FNDC3A: variants seen among roughly 807,000 people sequenced by gnomAD.
FNDC3A encodes the protein fibronectin type-III domain-containing protein 3A.
A neutral mutation model predicts 148.9 loss-of-function variants in FNDC3A; 32 were observed. The ratio of observed to expected loss-of-function variants is 0.21; its 90% CI spans 0.16 to 0.29. FNDC3A has a LOEUF of 0.29. Among genes scored for constraint, FNDC3A ranks in the 10% least tolerant of loss-of-function variants. The pLI, the probability that FNDC3A is intolerant of heterozygous loss-of-function variation, is 1.00. For missense variants in FNDC3A, 1,191 were observed against 1,452.8 expected (o/e 0.82, Z 2.93); for synonymous variants, 472 against 473.6 (o/e 1.00, Z 0.04).
At chr13:49,106,648 A>G (rs1256468773) in intron 3 of FNDC3A, among the ~76,000 whole-genome samples, 1 of 152,116 alleles carries the variant, frequency 6.6e-6, no homozygotes, top group Non-Finnish European at 1.5e-5. Flanking sequence ...ACTTTCAAAT[A>G]TACTTCGTGA....
At chr13:49,110,099 G>A (rs1880449453) in intron 3 of FNDC3A, among the ~76,000 whole-genome samples, 1 of 152,102 alleles carries the variant, frequency 6.6e-6, no homozygotes, top group Non-Finnish European at 1.5e-5. Flanking sequence ...TTTTGAATTG[G>A]TTCATAAGGA....
At chr13:49,172,154 T>A (rs1335363778) in intron 11 of FNDC3A, 58 bp downstream of exon 11, 2 of 1,120,676 alleles carry the variant, frequency 1.8e-6, no homozygotes, top group East Asian at 2.5e-5. Context: ...TCAGGCAAAA[T>A]TAACTTTTTT....
At chr13:49,198,638 C>T in intron 23 of FNDC3A, 64 bp downstream of exon 23, 1 of 1,329,496 alleles carries the variant, frequency 7.5e-7, no homozygotes, top group Admixed American at 1.8e-5. Flanking sequence ...ATTTCTGTAA[C>T]TATTAGAAGT....
chr13:49,007,385 G>T (rs2137601390), intron 2 of FNDC3A, among the ~76,000 whole-genome samples: 1 of 152,098 alleles, frequency 6.6e-6, no homozygotes, highest in African/African-American at 2.4e-5. Flanking sequence ...GCTTTTCATG[G>T]TCAAATTTAA....
chr13:49,090,391 G>C (rs1383637584), intron 3 of FNDC3A, among the ~76,000 whole-genome samples: 1 of 152,192 alleles, frequency 6.6e-6, no homozygotes, highest in Non-Finnish European at 1.5e-5. Flanking sequence ...TCCAGCCTGG[G>C]TGACAGAGCG....
intron 1 of FNDC3A, among the ~76,000 whole-genome samples, chr13:49,002,115 G>A (rs1056045430): frequency 6.6e-6 from 1 of 152,108 alleles, no homozygotes; most frequent in Non-Finnish European, 1.5e-5. Flanking sequence ...AAGAACCTAC[G>A]TGACTATCAG....
rs1375254813 is a variant in FNDC3A at position 49,106,986 on chromosome 13, G to A, written c.176-7669G>A. Among the ~76,000 whole-genome samples, 9 of 152,096 alleles carry A rather than the reference G, an allele frequency of 5.9e-5. No individual in the cohort carries two copies. The South Asian group carries it at 1.7e-3, about 28-fold the overall frequency. On this transcript the variant is annotated intron_variant, in intron 3 of 25. Coordinates refer to ENST00000492622, the MANE Select transcript of FNDC3A (RefSeq NM_001079673.2). ...TGTAGGAAATTATTTTTAAAAGAAA[G>A]GTAAGAATAAACTCAAAATTCAGGA...
chr13:49,027,152 A>ACG (rs1566200229), intron 2 of FNDC3A, among the ~76,000 whole-genome samples: 2 of 152,158 alleles, frequency 1.3e-5, no homozygotes, highest in African/African-American at 4.8e-5. Context: ...CAGTTGACAC[A>ACG]CTGAGTGGCA....
At chr13:49,003,914 T>G (rs914466576) in intron 1 of FNDC3A, among the ~76,000 whole-genome samples, 2 of 152,220 alleles carry the variant, frequency 1.3e-5, no homozygotes, top group African/African-American at 4.8e-5. Context: ...TAAATGTTGA[T>G]ATATCAACAG....
chr13:49,066,685 T>A (rs1022327431), intron 2 of FNDC3A, among the ~76,000 whole-genome samples: 2 of 151,988 alleles, frequency 1.3e-5, no homozygotes, highest in East Asian at 3.8e-4. Flanking sequence ...TTTTTTTTTT[T>A]AACAACATTC....
At chr13:49,051,924 T>A (rs1875871951) in intron 2 of FNDC3A, among the ~76,000 whole-genome samples, 2 of 152,146 alleles carry the variant, frequency 1.3e-5, no homozygotes, top group African/African-American at 4.8e-5. Context: ...AGCCTTGTCT[T>A]CAGGCTCTGA....
chr13:49,178,869 A>T (rs1251604744), intron 14 of FNDC3A, among the ~76,000 whole-genome samples: 1 of 152,094 alleles, frequency 6.6e-6, no homozygotes, highest in Non-Finnish European at 1.5e-5. Flanking sequence ...AGCAGCTGAG[A>T]CCACAGGTGC....
chr13:49,058,756 TTAAG>T (rs1179962283), intron 2 of FNDC3A, among the ~76,000 whole-genome samples: 6 of 152,222 alleles, frequency 3.9e-5, no homozygotes, highest in Admixed American at 6.5e-5. Context: ...GCAAACTAGT[TTAAG>T]TGTCTGCTGA....
intron 4 of FNDC3A, among the ~76,000 whole-genome samples, chr13:49,119,655 A>G (rs1370664075): frequency 2.0e-5 from 3 of 152,054 alleles, no homozygotes; most frequent in Non-Finnish European, 2.9e-5. Flanking sequence ...ATGACCTGAT[A>G]GAGCTGAAAA....
rs1169851515 is a variant in FNDC3A at position 49,003,166 on chromosome 13, A to G, written c.-39-2986A>G. Among the ~76,000 whole-genome samples the G allele has an allele frequency of 2.0e-5, 3 of 152,132 alleles. No homozygotes were observed. The East Asian group carries it at 5.8e-4, about 29-fold the overall frequency. The stretch of plus-strand genomic sequence containing the variant: ...CTGCAACCTCCACCTCCCAGGTTCA[A>G]GTGATTCTCCTGCCTCAGCCTCCCA... On this transcript the variant is annotated intron_variant, in intron 1 of 25. Coordinates refer to ENST00000492622, the MANE Select transcript of FNDC3A (RefSeq NM_001079673.2).
intron 1 of FNDC3A, among the ~76,000 whole-genome samples, chr13:48,994,531 C>CA (rs1342603173): frequency 6.6e-6 from 1 of 152,330 alleles, no homozygotes; most frequent in Admixed American, 6.5e-5. Flanking sequence ...GTAATGCCTG[C>CA]ACTTTGGGAG....
chr13:49,131,026 A>G (rs931874961), intron 4 of FNDC3A, 111 bp from the exon 5 acceptor site: 1 of 791,398 alleles, frequency 1.3e-6, no homozygotes, highest in Admixed American at 2.0e-5. Flanking sequence ...TCAGCCTCCC[A>G]AAGTGCTGGG....
intron 1 of FNDC3A, among the ~76,000 whole-genome samples, chr13:48,996,384 C>CATT (rs1207616669): frequency 6.6e-6 from 1 of 152,110 alleles, no homozygotes; most frequent in East Asian, 1.9e-4. Flanking sequence ...TCCATGGAGT[C>CATT]AATCAACCGT....
chr13:49,202,491 A>G (rs1886464915), intron 24 of FNDC3A, among the ~76,000 whole-genome samples: 1 of 152,190 alleles, frequency 6.6e-6, no homozygotes. Context: ...GACTCTGGCA[A>G]GGGCTACACT....
Sources: allele counts gnomAD v4.1 joint callset (sites outside exome capture counted in the v4.1 genomes callset), GRCh38; gene constraint gnomAD v4.1.1; transcripts MANE v1.5; gene names NCBI Gene and HGNC (gene_info 2026-07-23, HGNC 2026-07-21).